The following TLL2 variants were observed in gnomAD, a reference collection of about 807,000 sequenced individuals.
TLL2 encodes tolloid-like protein 2.
In TLL2, 106 loss-of-function variants were observed where a neutral mutation model predicts 123.0. The ratio of observed to expected loss-of-function variants is 0.86; its 90% CI spans 0.74 to 1.01. The LOEUF is 1.01. Among genes scored for constraint, TLL2 ranks in the 50% least tolerant of loss-of-function variants. TLL2 has a pLI of 0.00. For missense variants in TLL2, 1,332 were observed against 1,336.7 expected (o/e 1.00, Z 0.06); for synonymous variants, 494 against 516.8 (o/e 0.96, Z 0.60).
intron 15 of TLL2, among the ~76,000 whole-genome samples, chr10:96,385,770 C>T (rs1396929371): frequency 1.3e-5 from 2 of 152,218 alleles, no homozygotes; most frequent in Non-Finnish European, 2.9e-5. Flanking sequence ...ACTCACAGCC[C>T]AGTCCTGACA....
chr10:96,471,460 A>ACTTG (rs1847182891), intron 2 of TLL2, among the ~76,000 whole-genome samples: 3 of 152,222 alleles, frequency 2.0e-5, no homozygotes, highest in Admixed American at 1.3e-4. Flanking sequence ...ATTCCAAGAG[A>ACTTG]CTTGGACACT....
intron 18 of TLL2, 56 bp downstream of exon 18, chr10:96,376,636 G>A (rs976475253): frequency 8.0e-5 from 127 of 1,581,876 alleles, no homozygotes; most frequent in Middle Eastern, 1.7e-4. Flanking sequence ...AGACTCAAAC[G>A]CACATCTGCC....
At chr10:96,378,465 A>T (rs562910121) in intron 17 of TLL2, among the ~76,000 whole-genome samples, 1 of 152,336 alleles carries the variant, frequency 6.6e-6, no homozygotes, top group South Asian at 2.1e-4. Context: ...TTCCAATGGG[A>T]CCTGCATATG....
At chr10:96,451,535 C>T (rs1846959500) in intron 2 of TLL2, among the ~76,000 whole-genome samples, 1 of 152,148 alleles carries the variant, frequency 6.6e-6, no homozygotes, top group Non-Finnish European at 1.5e-5. Flanking sequence ...AAACAAAACT[C>T]TATATTAATT....
In TLL2 at chr10:96,430,065, A is replaced by G. The variant is rs559897532; in HGVS notation, c.521-1317T>C. Among the ~76,000 whole-genome samples the G allele has an allele frequency of 2.5e-4, 38 of 152,274 alleles. 2 individuals carry two copies. The highest frequency in any genetic ancestry group is 8.7e-4 in the African/African-American group (36 of 41,546). On this transcript the variant is annotated intron_variant, in intron 4 of 20. Transcript: ENST00000357947. The stretch of plus-strand genomic sequence containing the variant: ...CCCTCATTGCAAAACAAAAACAAAA[A>G]TTACAAGCAAAACAAAACAGCTGAC...
chr10:96,412,223 C>T (rs552639100), intron 8 of TLL2, among the ~76,000 whole-genome samples: 4 of 152,258 alleles, frequency 2.6e-5, no homozygotes, highest in South Asian at 2.1e-4. Context: ...GCAAGCCCCA[C>T]GCAGCCCTTT....
chr10:96,499,286 A>C (rs191465051), intron 1 of TLL2, among the ~76,000 whole-genome samples: 335 of 152,326 alleles, frequency 2.2e-3, no homozygotes, highest in Non-Finnish European at 4.1e-3. Context: ...CCCCAGTTCC[A>C]GTGGGCCATA....
intron 7 of TLL2, among the ~76,000 whole-genome samples, chr10:96,419,108 T>C (rs967574278): frequency 1.3e-5 from 2 of 152,082 alleles, no homozygotes; most frequent in Admixed American, 6.6e-5. Context: ...CCTTGGATAT[T>C]TGCACACTGC....
intron 1 of TLL2, among the ~76,000 whole-genome samples, chr10:96,513,060 G>A (rs1847647374): frequency 6.6e-6 from 1 of 152,244 alleles, no homozygotes; most frequent in East Asian, 1.9e-4. Flanking sequence ...AGTAACCACA[G>A]ATCTTGGGAA....
At chr10:96,511,679 T>A (rs1371031596) in intron 1 of TLL2, among the ~76,000 whole-genome samples, 1 of 152,226 alleles carries the variant, frequency 6.6e-6, no homozygotes, top group African/African-American at 2.4e-5. Flanking sequence ...GGAGCTGGCA[T>A]GCCTCTTTCA....
At chr10:96,429,109 G>A (rs748611355) in intron 4 of TLL2, among the ~76,000 whole-genome samples, 1 of 151,996 alleles carries the variant, frequency 6.6e-6, no homozygotes, top group Non-Finnish European at 1.5e-5. Context: ...AGCCTCCTTA[G>A]ATGCTTTAAA....
intron 2 of TLL2, among the ~76,000 whole-genome samples, chr10:96,478,188 T>G (rs1418495143): frequency 6.6e-6 from 1 of 152,176 alleles, no homozygotes; most frequent in Non-Finnish European, 1.5e-5. Context: ...CTGCCTCTCT[T>G]TGGGGTCTCT....
rs539807659 is a variant in TLL2, at chr10:96,379,176, C to G, written c.2195-84G>C. Reference sequence around the variant, plus strand: ...GCTCAGAATCCCACTTAAAAGTGGCCTCCTCTGGGAAGCCTCTCTGATTGC... The same window carrying G: ...GCTCAGAATCCCACTTAAAAGTGGCGTCCTCTGGGAAGCCTCTCTGATTGC... On this transcript the variant is annotated intron_variant, in intron 16 of 20. Coordinates refer to ENST00000357947, the MANE Select transcript of TLL2 (RefSeq NM_012465.4). The G allele has an allele frequency of 6.9e-5, 106 of 1,536,986 alleles. 3 individuals carry two copies. In the South Asian group the frequency reaches 1.2e-3, roughly 17 times the overall value.
chr10:96,369,917 TC>T, intron 20 of TLL2, 147 bp downstream of exon 20: 1 of 1,176,716 alleles, frequency 8.5e-7, no homozygotes, highest in Non-Finnish European at 1.1e-6. Context: ...TTCTCCTGCT[TC>T]CCACTCCGCT....
chr10:96,369,805 A>G (rs1418441068), intron 20 of TLL2, among the ~76,000 whole-genome samples: 1 of 151,598 alleles, frequency 6.6e-6, no homozygotes, highest in South Asian at 2.1e-4. Flanking sequence ...TTGCAAAAAT[A>G]GGTGAAAGTC....
intron 2 of TLL2, among the ~76,000 whole-genome samples, chr10:96,455,338 C>G (rs1847002035): frequency 6.6e-6 from 1 of 152,254 alleles, no homozygotes; most frequent in Non-Finnish European, 1.5e-5. Context: ...GACAGTGGAG[C>G]TGATTGGCCA....
intron 5 of TLL2, among the ~76,000 whole-genome samples, chr10:96,428,374 A>G (rs899961350): frequency 2.6e-5 from 4 of 152,192 alleles, no homozygotes; most frequent in Non-Finnish European, 5.9e-5. Context: ...AAGTCTTCAC[A>G]TGACACACCA....
At chr10:96,477,303 G>A (rs187725483) in intron 2 of TLL2, among the ~76,000 whole-genome samples, 56 of 151,428 alleles carry the variant, frequency 3.7e-4, no homozygotes, top group Middle Eastern at 3.4e-3. Context: ...CATTCCCTAT[G>A]TACACAGCAA....
intron 1 of TLL2, among the ~76,000 whole-genome samples, chr10:96,497,753 G>T (rs548236473): frequency 6.6e-6 from 1 of 152,306 alleles, no homozygotes; most frequent in Non-Finnish European, 1.5e-5. Context: ...CCTTCGTGAA[G>T]GTCTCTTCAT....
Sources: allele counts gnomAD v4.1 joint callset (sites outside exome capture counted in the v4.1 genomes callset), GRCh38; gene constraint gnomAD v4.1.1; transcripts MANE v1.5; gene names NCBI Gene and HGNC (gene_info 2026-07-23, HGNC 2026-07-21).